The following SEL1L variants were observed in gnomAD, a reference collection of about 807,000 sequenced individuals.
SEL1L encodes the protein protein sel-1 homolog 1.
A neutral mutation model predicts 109.8 loss-of-function variants in SEL1L; 52 were observed. The observed-to-expected ratio is 0.47, with a 90% confidence interval of 0.38 to 0.60. SEL1L has a LOEUF of 0.60. Ranked by LOEUF, SEL1L falls within the 20% of genes least tolerant of loss-of-function variation. The pLI, the probability that SEL1L is intolerant of heterozygous loss-of-function variation, is 0.00. For synonymous variants in SEL1L, 373 were observed against 339.6 expected, an observed-to-expected ratio of 1.10 and a Z score of -1.08; for missense variants, 749 against 962.2, an observed-to-expected ratio of 0.78 and a Z score of 2.93.
intron 3 of SEL1L, among the ~76,000 whole-genome samples, chr14:81,521,608 T>C (rs1007085111): frequency 2.0e-5 from 3 of 152,210 alleles, no homozygotes; most frequent in African/African-American, 7.2e-5. Flanking sequence ...TGTAGCACAA[T>C]CCATTACTCA....
rs981106363 is a variant in SEL1L, at chr14:81,485,848, C to T, written c.1799-102G>A. The T allele has an allele frequency of 6.6e-6, 6 of 913,618 alleles. No individual in the cohort carries two copies. In the East Asian group the frequency reaches 9.7e-5, roughly 15 times the overall value. 56.6% of individuals were successfully genotyped at this position (913,618 alleles called of 1,614,324 possible). A position where few individuals can be genotyped will look rare whatever the true frequency, so the allele number is the denominator to read the frequency against. ...AAGGATAGGTGAAGCATAAGTTAAA[C>T]AAGAATTAGGATATAAAAATTAAAA... On this transcript the variant is annotated intron_variant, in intron 17 of 20. Coordinates refer to ENST00000336735, the MANE Select transcript of SEL1L (RefSeq NM_005065.6).
Position 81,527,056 on chromosome 14 carries a change from C to T in SEL1L, c.109-92G>A, listed in dbSNP as rs569148879. 2.9e-5 allele frequency: 25 copies of T among 855,528 alleles called. 1 individual carries two copies. In the South Asian group the frequency reaches 3.5e-4, roughly 12 times the overall value. 53.0% of individuals were successfully genotyped at this position (855,528 alleles called of 1,614,324 possible). On this transcript the variant is annotated intron_variant, in intron 2 of 20. Transcript: ENST00000336735. ...ATTTTTACTAATCCAGATATCACAT[C>T]TCCTTCAGCTCCTTGAAGTGCCACA...
chr14:81,485,445 TTTTTTG>T (rs1380866610), intron 18 of SEL1L, among the ~76,000 whole-genome samples: 1 of 145,944 alleles, frequency 6.9e-6, no homozygotes, highest in Non-Finnish European at 1.5e-5. Flanking sequence ...CCAGCTAATT[TTTTTTG>T]TTTTTTTTTT....
chr14:81,527,849 TAAAC>T (rs1401179814), intron 1 of SEL1L, 111 bp from the exon 2 acceptor site: 10 of 669,694 alleles, frequency 1.5e-5, no homozygotes, highest in Non-Finnish European at 2.5e-5. Flanking sequence ...ATTGGATAAA[TAAAC>T]ATAGAATTAT....
intron 19 of SEL1L, among the ~76,000 whole-genome samples, chr14:81,481,394 A>G (rs1490711998): frequency 6.6e-6 from 1 of 152,202 alleles, no homozygotes; most frequent in Non-Finnish European, 1.5e-5. Context: ...AGGGTGTGTC[A>G]TTATTTAAAA....
rs182665979 is a variant in SEL1L at position 81,489,146 on chromosome 14, C to T, written c.1395+106G>A. ...ACAGAAAGAGGTTCAGCTTTGCTTA[C>T]AATGGAACAGCCCCACCTGGGCTGA... is the stretch of plus-strand genomic sequence containing the variant. On this transcript the variant is annotated intron_variant, in intron 14 of 20. Coordinates refer to ENST00000336735, the MANE Select transcript of SEL1L (RefSeq NM_005065.6). 2.0e-5 allele frequency: 19 copies of T among 961,002 alleles called. No individual in the cohort carries two copies. In the African/African-American group the frequency reaches 2.6e-4, roughly 13 times the overall value. 59.5% of individuals were successfully genotyped at this position (961,002 alleles called of 1,614,324 possible). A position where few individuals can be genotyped will look rare whatever the true frequency, so the allele number is the denominator to read the frequency against.
intron 4 of SEL1L, among the ~76,000 whole-genome samples, chr14:81,504,939 C>T (rs1327810195): frequency 6.6e-6 from 1 of 152,128 alleles, no homozygotes; most frequent in Non-Finnish European, 1.5e-5. Context: ...CAAGCAGATG[C>T]CAGCATCATG....
Position 81,476,961 on chromosome 14 carries a change from C to T in SEL1L, c.*11G>A, listed in dbSNP as rs768116744. 6.2e-7 allele frequency: 1 copy of T among 1,613,906 alleles called. No individual in the cohort carries two copies. The highest frequency in any genetic ancestry group is 8.5e-7 in the Non-Finnish European group (1 of 1,179,890). On this transcript the variant is annotated 3_prime_UTR_variant, in exon 21 of 21. Transcript: ENST00000336735. ...TTCGCTGTCACTGATCAAGGCTGGACCCAGTGCCTATTACTGTGGTGGCTG... is the reference window on the plus strand; with the variant it reads ...TTCGCTGTCACTGATCAAGGCTGGATCCAGTGCCTATTACTGTGGTGGCTG...
intron 3 of SEL1L, among the ~76,000 whole-genome samples, chr14:81,522,827 C>A (rs1258449355): frequency 6.6e-6 from 1 of 152,138 alleles, no homozygotes; most frequent in African/African-American, 2.4e-5. Flanking sequence ...CTTCTAATAC[C>A]TAATATAATG....
At chr14:81,501,025 T>C (rs1432180500) in intron 6 of SEL1L, among the ~76,000 whole-genome samples, 1 of 152,158 alleles carries the variant, frequency 6.6e-6, no homozygotes, top group East Asian at 1.9e-4. Flanking sequence ...AGCCTCTCCG[T>C]AGAATCACAT....
intron 18 of SEL1L, 149 bp from the exon 19 acceptor site, chr14:81,484,546 G>A: frequency 1.4e-6 from 1 of 703,402 alleles, no homozygotes. Flanking sequence ...TTTCAGCCAA[G>A]TTATAAAGTC....
At chr14:81,502,602 A>G in intron 6 of SEL1L, 119 bp downstream of exon 6, 1 of 1,004,168 alleles carries the variant, frequency 1.0e-6, no homozygotes. Flanking sequence ...GTCAGCCACA[A>G]AATTGGTATT....
Position 81,533,685 on chromosome 14 carries a change from C to T in SEL1L, c.60G>A (p.Ser20=). ...LLCAVLLSLA[S]ASSDEEGSQD... ...GGGGCGGATACTGACCCGAGGACGC[C>T]GAGGCCAAGCTCAGCAGCACCGCAC... The change falls in exon 1 of 21, where the codon TCG becomes TCA. Residue 20 remains serine, a synonymous_variant. Transcript: ENST00000336735. The T allele has an allele frequency of 6.2e-7, 1 of 1,613,238 alleles. No individual in the cohort carries two copies.
At chr14:81,529,330 A>G (rs1885239626) in intron 1 of SEL1L, among the ~76,000 whole-genome samples, 1 of 152,180 alleles carries the variant, frequency 6.6e-6, no homozygotes, top group African/African-American at 2.4e-5. Flanking sequence ...GTAATTAATC[A>G]CAAACTTCAA....
chr14:81,502,673 C>T (rs1698536354), intron 6 of SEL1L, 48 bp downstream of exon 6: 1 of 1,568,716 alleles, frequency 6.4e-7, no homozygotes, highest in Non-Finnish European at 8.7e-7. Context: ...GCTTTTAAAA[C>T]TAACAAGTGT....
Position 81,498,468 on chromosome 14 carries a change from G to A in SEL1L, c.918C>T (p.Gly306=), listed in dbSNP as rs770544451. 7 of 1,613,832 alleles carry A rather than the reference G, an allele frequency of 4.3e-6. No homozygotes were observed. Among genetic ancestry groups the A allele is most frequent in the African/African-American group, 2.7e-5 (2 of 74,904 alleles). Residue 306 remains glycine (G), a synonymous_variant, in exon 9 of 21, where the codon GGC becomes GGT. Transcript: ENST00000336735. ...GGGCAGATTCACAACTCTGGAGGAC[G>A]CCGATGCCAGCCCAGTATCTGTAAC... ...VLGYRYWAGI[G]VLQSCESALT...
chr14:81,506,794 G>C (rs1884257921), intron 3 of SEL1L, among the ~76,000 whole-genome samples: 1 of 152,192 alleles, frequency 6.6e-6, no homozygotes, highest in South Asian at 2.1e-4. Flanking sequence ...TAAGGGTAGA[G>C]ACTGCATCTG....
intron 19 of SEL1L, among the ~76,000 whole-genome samples, chr14:81,483,443 T>A (rs1354479300): frequency 6.6e-6 from 1 of 152,182 alleles, no homozygotes; most frequent in Admixed American, 6.5e-5. Flanking sequence ...TTGTTTCAGG[T>A]AAGTATGATA....
At chr14:81,487,303 A>G (rs1266787857) in intron 16 of SEL1L, 87 bp downstream of exon 16, 2 of 1,310,914 alleles carry the variant, frequency 1.5e-6, no homozygotes, top group Admixed American at 3.1e-5. Flanking sequence ...ACAGAAGAAA[A>G]CATACAAAAA....
Sources: allele counts gnomAD v4.1 joint callset (sites outside exome capture counted in the v4.1 genomes callset), GRCh38; gene constraint gnomAD v4.1.1; transcripts MANE v1.5; gene names NCBI Gene and HGNC (gene_info 2026-07-23, HGNC 2026-07-21).